Variants in RUSC2 observed in about 807,000 individuals in gnomAD.
RUSC2 encodes the protein AP-4 complex accessory subunit RUSC2.
In RUSC2, 34 loss-of-function variants were observed where a neutral mutation model predicts 122.2. That is an observed-to-expected ratio of 0.28 (90% CI 0.21 to 0.37). The LOEUF (loss-of-function observed/expected upper bound fraction) is 0.37, where lower values mean the gene tolerates loss of function less well. RUSC2 is among the 10% of genes least tolerant of loss of function. RUSC2 has a pLI of 1.00. For synonymous variants in RUSC2, 784 were observed against 790.0 expected (o/e 0.99, Z 0.13); for missense variants, 1,747 against 1,952.4 (o/e 0.89, Z 1.98).
chr9:35,561,540 C>A lies in RUSC2; in HGVS notation c.*158C>A. The A allele has an allele frequency of 1.6e-6, 1 of 637,456 alleles. No homozygotes were observed. The highest frequency in any genetic ancestry group is 2.7e-6 in the Non-Finnish European group (1 of 368,404). 39.5% of individuals were successfully genotyped at this position (637,456 alleles called of 1,614,324 possible). On this transcript the variant is annotated 3_prime_UTR_variant, in exon 12 of 12. Transcript: ENST00000361226. ...TGCTCCCTGTGCTCAGTATTAATTA[C>A]GCCCCCTTAACTGTCCCAGTGACCT...
At chr9:35,502,879 A>C (rs925141667) in intron 1 of RUSC2, among the ~76,000 whole-genome samples, 3 of 151,840 alleles carry the variant, frequency 2.0e-5, no homozygotes, top group African/African-American at 7.3e-5. Flanking sequence ...TGTTTTTTTG[A>C]GACGGAGTTT....
chr9:35,548,613 G>GCCAGACCACC lies in RUSC2; in HGVS notation c.2014+82_2014+91dup. 2 of 1,471,720 alleles carry GCCAGACCACC rather than the reference G, an allele frequency of 1.4e-6. No homozygotes were observed. Among genetic ancestry groups the GCCAGACCACC allele is most frequent in the Non-Finnish European group, 1.8e-6 (2 of 1,117,834 alleles). 91.2% of individuals were successfully genotyped at this position (1,471,720 alleles called of 1,614,324 possible). ...ATGGCCACCTCCCTGACAGGTCCCT[G>GCCAGACCACC]CCAGACCACCCCATCCATACCACTA... On this transcript the variant is annotated intron_variant, in intron 2 of 11. Coordinates refer to ENST00000361226, the MANE Select transcript of RUSC2 (RefSeq NM_014806.5). This position sits in a 1 kb window ranked among gnomAD's most constrained non-coding sequence, Gnocchi z 4.5.
In RUSC2 at chr9:35,534,351, G is replaced by T. The variant is rs373652734; in HGVS notation, c.-92-12079G>T. Among the ~76,000 whole-genome samples the T allele has an allele frequency of 5.7e-4, 86 of 151,206 alleles. No homozygotes were observed. In the East Asian group the frequency reaches 0.013, roughly 23 times the overall value. On this transcript the variant is annotated intron_variant, in intron 1 of 11. Transcript: ENST00000361226. ...GCACTTTGGGAAGCCGAAGCAGGAG[G>T]ATCACTTGAGCTCAGGAGTTTTGGA... is the stretch of plus-strand genomic sequence containing the variant.
intron 1 of RUSC2, among the ~76,000 whole-genome samples, chr9:35,533,247 A>AAG (rs72264663): frequency 3.4e-5 from 1 of 29,810 alleles, no homozygotes; most frequent in Admixed American, 5.2e-4. Flanking sequence ...ACTCTGTCTC[A>AAG]AAAAAAAAAA....
At chr9:35,508,240 G>A (rs1820951772) in intron 1 of RUSC2, among the ~76,000 whole-genome samples, 2 of 152,192 alleles carry the variant, frequency 1.3e-5, no homozygotes, top group South Asian at 4.1e-4. Flanking sequence ...CAAAAGCTAA[G>A]TAATCCCTCC....
At chr9:35,531,110 A>C (rs1821410038) in intron 1 of RUSC2, among the ~76,000 whole-genome samples, 1 of 151,994 alleles carries the variant, frequency 6.6e-6, no homozygotes, top group Non-Finnish European at 1.5e-5. Flanking sequence ...AATACAAAAA[A>C]ATTAGCCGGG....
chr9:35,524,832 G>T (rs577989930), intron 1 of RUSC2, among the ~76,000 whole-genome samples: 2 of 152,086 alleles, frequency 1.3e-5, no homozygotes, highest in Non-Finnish European at 2.9e-5. Context: ...TTAGCCGGGC[G>T]TGGTGGCGGG....
In RUSC2 at chr9:35,498,797, G is replaced by T. The variant is rs567530640; in HGVS notation, c.-93+8625G>T. Among the ~76,000 whole-genome samples, 98 of 150,288 alleles carry T rather than the reference G, an allele frequency of 6.5e-4. 1 individual carries two copies. Among genetic ancestry groups the T allele is most frequent in the African/African-American group, 2.4e-3 (97 of 40,788 alleles). On this transcript the variant is annotated intron_variant, in intron 1 of 11. Coordinates refer to ENST00000361226, the MANE Select transcript of RUSC2 (RefSeq NM_014806.5). Reference sequence around the variant, plus strand: ...AATCACTTGAACCCAGGAGGCAGAGGTTGCAGTGAGCCGAGATCGCCTGGC... The same window carrying T: ...AATCACTTGAACCCAGGAGGCAGAGTTTGCAGTGAGCCGAGATCGCCTGGC...
intron 1 of RUSC2, among the ~76,000 whole-genome samples, chr9:35,536,761 C>A (rs1039466246): frequency 4.6e-5 from 6 of 129,100 alleles, no homozygotes; most frequent in African/African-American, 1.4e-4. Flanking sequence ...TTGCAGTGAG[C>A]CAAGATCGCG....
intron 1 of RUSC2, among the ~76,000 whole-genome samples, chr9:35,544,568 A>C (rs1227428909): frequency 6.6e-6 from 1 of 152,030 alleles, no homozygotes; most frequent in East Asian, 1.9e-4. Flanking sequence ...GGCCTCCCAA[A>C]GTGTTAGGAT....
At chr9:35,519,549 G>A (rs1258343662) in intron 1 of RUSC2, among the ~76,000 whole-genome samples, 1 of 152,136 alleles carries the variant, frequency 6.6e-6, no homozygotes, top group African/African-American at 2.4e-5. Context: ...AGAGTATGAT[G>A]GCCACAGACA....
chr9:35,545,875 C>T (rs1052733452), intron 1 of RUSC2, among the ~76,000 whole-genome samples: 4 of 151,978 alleles, frequency 2.6e-5, no homozygotes, highest in South Asian at 2.1e-4. Flanking sequence ...GCTTGTAGGA[C>T]GAGAAAGGGG....
intron 1 of RUSC2, among the ~76,000 whole-genome samples, chr9:35,528,138 C>A (rs938418891): frequency 6.6e-6 from 1 of 152,152 alleles, no homozygotes; most frequent in Non-Finnish European, 1.5e-5. Context: ...ATAATCCCAG[C>A]GCTTTGGAAG....
Position 35,555,073 on chromosome 9 carries a change from G to T in RUSC2, c.2028G>T (p.Glu676Asp). 6.2e-7 allele frequency: 1 copy of T among 1,612,302 alleles called. No individual in the cohort carries two copies. ...ARARADGGGT[E>D]SRPVLRYSKE... Reference sequence around the variant, plus strand: ...CCTTTGCTACAGGGGGTGGCACCGAGAGCCGACCAGTCCTTCGCTACAGCA... The same window carrying T: ...CCTTTGCTACAGGGGGTGGCACCGATAGCCGACCAGTCCTTCGCTACAGCA... Residue 676 changes from glutamate (E) to aspartate (D), a missense_variant, in exon 3 of 12, where the codon GAG becomes GAT. By Grantham distance (45) the Glu-to-Asp change is conservative. Transcript: ENST00000361226. The surrounding 1 kb of genome is among the most constrained non-coding windows in gnomAD (Gnocchi z 4.6).
intron 1 of RUSC2, among the ~76,000 whole-genome samples, chr9:35,504,879 G>A (rs980260589): frequency 1.3e-5 from 2 of 152,212 alleles, no homozygotes; most frequent in African/African-American, 4.8e-5. Flanking sequence ...AAGGAATGGT[G>A]GTGGCCAAGG....
At chr9:35,503,612 A>G (rs1031491919) in intron 1 of RUSC2, among the ~76,000 whole-genome samples, 7 of 152,134 alleles carry the variant, frequency 4.6e-5, no homozygotes, top group Admixed American at 1.3e-4. Context: ...TCCTTTGGGT[A>G]GATACCCAGT....
intron 1 of RUSC2, among the ~76,000 whole-genome samples, chr9:35,531,154 G>A (rs752512345): frequency 1.3e-5 from 2 of 152,164 alleles, no homozygotes; most frequent in Non-Finnish European, 2.9e-5. Context: ...CCAGCTACTC[G>A]GGAGGCTGAG....
chr9:35,558,689 T>A lies in RUSC2; in HGVS notation c.3341+122T>A. 1.2e-6 allele frequency: 1 copy of A among 805,424 alleles called. No individual in the cohort carries two copies. The highest frequency in any genetic ancestry group is 2.1e-6 in the Non-Finnish European group (1 of 480,284). 49.9% of individuals were successfully genotyped at this position (805,424 alleles called of 1,614,324 possible). A position where few individuals can be genotyped will look rare whatever the true frequency, so the allele number is the denominator to read the frequency against. On this transcript the variant is annotated intron_variant, in intron 8 of 11. Transcript: ENST00000361226. The surrounding 1 kb of genome is among the most constrained non-coding windows in gnomAD (Gnocchi z 4.3). Reference sequence around the variant, plus strand: ...GAAAGGGTGGATCTGGAGGGTCCCCTCAGCCCGCTATGGCCTCTCAGTAGG... The same window carrying A: ...GAAAGGGTGGATCTGGAGGGTCCCCACAGCCCGCTATGGCCTCTCAGTAGG...
chr9:35,528,645 C>T (rs2132527066), intron 1 of RUSC2, among the ~76,000 whole-genome samples: 1 of 152,142 alleles, frequency 6.6e-6, no homozygotes, highest in East Asian at 1.9e-4. Flanking sequence ...TAGCTAGGAC[C>T]ATAGGCATGT....
Sources: gnomAD v4.1 joint callset for allele counts (sites outside exome capture counted in the v4.1 genomes callset) on GRCh38, gnomAD v4.1.1 for gene constraint, Gnocchi (gnomAD v3.1) non-coding constraint, MANE v1.5 for transcripts, NCBI Gene and HGNC (gene_info 2026-07-23, HGNC 2026-07-21) for gene names.